The following AP4S1 variants were observed in gnomAD, a reference collection of about 807,000 sequenced individuals.
AP4S1 encodes adaptor related protein complex 4 subunit sigma 1, also known as AP-4 complex subunit sigma-1.
A neutral mutation model predicts 19.8 loss-of-function variants in AP4S1; 23 were observed. The ratio of observed to expected loss-of-function variants is 1.16; its 90% confidence interval spans 0.84 to 1.65. The LOEUF is 1.65. Ranked by LOEUF, AP4S1 falls within the 40% of genes most tolerant of loss-of-function variation. AP4S1 has a pLI of 0.00. For missense variants in AP4S1, 166 were observed against 172.8 expected (o/e 0.96, Z 0.22); for synonymous variants, 46 against 54.1 (o/e 0.85, Z 0.66).
chr14:31,088,791 G>C (rs929215681), intron 5 of AP4S1, among the ~76,000 whole-genome samples: 5 of 121,592 alleles, frequency 4.1e-5, no homozygotes, highest in African/African-American at 1.6e-4. Context: ...CTGGGCAACA[G>C]AGTAAGACTC....
intron 1 of AP4S1, among the ~76,000 whole-genome samples, chr14:31,034,664 C>G (rs1292604734): frequency 6.8e-6 from 1 of 146,656 alleles, no homozygotes; most frequent in Non-Finnish European, 1.5e-5. Context: ...CATGCCCAGC[C>G]TGGAGTGCAG....
intron 2 of AP4S1, among the ~76,000 whole-genome samples, chr14:31,067,341 T>A (rs1886776481): frequency 6.6e-6 from 1 of 151,906 alleles, no homozygotes; most frequent in Non-Finnish European, 1.5e-5. Flanking sequence ...GTTACATATG[T>A]ATACATGTGC....
chr14:31,039,738 G>A (rs1047653113), intron 1 of AP4S1, among the ~76,000 whole-genome samples: 5 of 151,634 alleles, frequency 3.3e-5, no homozygotes, highest in East Asian at 2.0e-4. Flanking sequence ...CTACAGGCGC[G>A]CGCCACCATG....
At chr14:31,031,345 G>A (rs548780272) in intron 1 of AP4S1, among the ~76,000 whole-genome samples, 57 of 152,306 alleles carry the variant, frequency 3.7e-4, no homozygotes, top group Non-Finnish European at 4.6e-4. Context: ...AAGGATTGCA[G>A]CCTTGTAGAA....
At chr14:31,092,849 T>C in intron 5 of AP4S1, 58 bp from the exon 6 acceptor site, 1 of 1,361,734 alleles carries the variant, frequency 7.3e-7, no homozygotes, top group South Asian at 1.4e-5. Context: ...AAGCCATAAA[T>C]TTTTACTGAA....
chr14:31,048,398 A>G (rs1885544467), intron 1 of AP4S1, among the ~76,000 whole-genome samples: 1 of 152,000 alleles, frequency 6.6e-6, no homozygotes, highest in South Asian at 2.1e-4. Flanking sequence ...GGCATGAGCC[A>G]CCATGCCTGG....
chr14:31,058,078 C>T (rs1278397017), intron 1 of AP4S1, among the ~76,000 whole-genome samples: 1 of 76,638 alleles, frequency 1.3e-5, no homozygotes, highest in Non-Finnish European at 2.8e-5. Flanking sequence ...CCACCACACC[C>T]AGCTCTTGTT....
chr14:31,092,792 A>G, intron 5 of AP4S1, 115 bp from the exon 6 acceptor site: 2 of 758,068 alleles, frequency 2.6e-6, no homozygotes, highest in Non-Finnish European at 3.9e-6. Flanking sequence ...AATTTTGTAC[A>G]AAAAACCTCA....
At chr14:31,026,269 C>CGGGGCGGAGGCCGGCCGGGAGA (rs1883922676) in intron 1 of AP4S1, 2 of 1,306,360 alleles carry the variant, frequency 1.5e-6, no homozygotes, top group African/African-American at 1.6e-5. Flanking sequence ...GCGCTGGCTG[C>CGGGGCGGAGGCCGGCCGGGAGA]GGGGCGGAGG....
chr14:31,067,208 C>CA (rs55659438), intron 2 of AP4S1, among the ~76,000 whole-genome samples: 15,623 of 140,496 alleles, frequency 0.11, 963 homozygotes, highest in South Asian at 0.25. Context: ...AACTCTGTCT[C>CA]AAAAAAAAAA....
rs1027797004 is a variant in AP4S1, at chr14:31,073,466, G to T, written c.294+493G>T. Among the ~76,000 whole-genome samples the T allele has an allele frequency of 2.2e-4, 32 of 147,002 alleles. 1 individual carries two copies. The highest frequency in any genetic ancestry group is 3.5e-3 in the Middle Eastern group (1 of 282). The stretch of plus-strand genomic sequence containing the variant: ...GATCCCGCCACTGCACTCCAGCCTG[G>T]GCAACAGAGCGAGACTCCGTCTCAG... On this transcript the variant is annotated intron_variant, in intron 4 of 5. Transcript: ENST00000542754.
At chr14:31,069,453 G>A (rs1947295138) in intron 2 of AP4S1, among the ~76,000 whole-genome samples, 1 of 152,082 alleles carries the variant, frequency 6.6e-6, no homozygotes, top group South Asian at 2.1e-4. Flanking sequence ...ATATCTAATT[G>A]CTTCCAAAAA....
chr14:31,047,675 G>A (rs550834602), intron 1 of AP4S1, among the ~76,000 whole-genome samples: 10 of 152,156 alleles, frequency 6.6e-5, no homozygotes, highest in East Asian at 3.9e-4. Context: ...GACTACAGGC[G>A]TGAGCCACCG....
intron 3 of AP4S1, among the ~76,000 whole-genome samples, chr14:31,071,936 G>A (rs1291803695): frequency 6.7e-6 from 1 of 149,748 alleles, no homozygotes; most frequent in African/African-American, 2.5e-5. Flanking sequence ...TTTTTGGGGG[G>A]GTGGGGATGG....
At chr14:31,040,775 A>G (rs1025646541) in intron 1 of AP4S1, among the ~76,000 whole-genome samples, 7 of 152,174 alleles carry the variant, frequency 4.6e-5, no homozygotes, top group African/African-American at 1.7e-4. Context: ...TCTGCGAGCC[A>G]CATGAAGCTT....
At chr14:31,052,206 A>T (rs910630169) in intron 1 of AP4S1, among the ~76,000 whole-genome samples, 1 of 152,064 alleles carries the variant, frequency 6.6e-6, no homozygotes, top group East Asian at 1.9e-4. Flanking sequence ...GGGGACATCG[A>T]GGCTGCAGTG....
intron 1 of AP4S1, among the ~76,000 whole-genome samples, chr14:31,060,838 A>C (rs1407586837): frequency 6.6e-6 from 1 of 152,138 alleles, no homozygotes; most frequent in African/African-American, 2.4e-5. Context: ...AATAAAGGAC[A>C]TTCAGGCATC....
At chr14:31,079,906 A>G (rs923831186) in intron 4 of AP4S1, among the ~76,000 whole-genome samples, 2 of 143,708 alleles carry the variant, frequency 1.4e-5, no homozygotes, top group African/African-American at 5.1e-5. Flanking sequence ...TCAGTTACTG[A>G]TAACTGCTGT....
In AP4S1 at chr14:31,025,672, C is replaced by T; in HGVS notation, c.-187C>T. The T allele has an allele frequency of 1.5e-6, 1 of 654,134 alleles. No homozygotes were observed. The highest frequency in any genetic ancestry group is 3.2e-5 in the East Asian group (1 of 31,536). 40.5% of individuals were successfully genotyped at this position (654,134 alleles called of 1,614,324 possible). ...ATACTAAAAGCCAAAATGGCTGCCC[C>T]GAGGAGGCCCGCACCGCGTAGCCAG... On this transcript the variant is annotated 5_prime_UTR_variant, in exon 1 of 6. Transcript: ENST00000542754.
Sources: gnomAD v4.1 joint callset for allele counts (sites outside exome capture counted in the v4.1 genomes callset) on GRCh38, gnomAD v4.1.1 for gene constraint, MANE v1.5 for transcripts, NCBI Gene and HGNC (gene_info 2026-07-23, HGNC 2026-07-21) for gene names.